The following ARHGAP26 variants were observed in gnomAD, a reference collection of about 807,000 sequenced individuals.
The protein encoded by ARHGAP26 is Rho GTPase activating protein 26.
ARHGAP26 carries 38 observed loss-of-function variants against 104.8 expected under a neutral mutation model. The ratio of observed to expected loss-of-function variants is 0.36; its 90% CI spans 0.28 to 0.48. The LOEUF is 0.48. ARHGAP26 is among the 20% of genes least tolerant of loss of function. ARHGAP26 has a pLI of 0.99. For missense variants in ARHGAP26, 704 were observed against 947.9 expected (o/e 0.74, Z 3.38); for synonymous variants, 341 against 340.0 (o/e 1.00, Z -0.03).
At chr5:143,157,667 AG>A (rs1800659787) in intron 20 of ARHGAP26, among the ~76,000 whole-genome samples, 1 of 152,136 alleles carries the variant, frequency 6.6e-6, no homozygotes, top group Non-Finnish European at 1.5e-5. Flanking sequence ...TCTACTTTTG[AG>A]GGGGGAAAAT....
At chr5:142,828,651 G>T (rs931538293) in intron 1 of ARHGAP26, among the ~76,000 whole-genome samples, 2 of 152,192 alleles carry the variant, frequency 1.3e-5, no homozygotes, top group African/African-American at 4.8e-5. Flanking sequence ...CCCCCATGAG[G>T]CATCAACCAT....
chr5:143,075,657 T>G (rs1409449962), intron 17 of ARHGAP26, among the ~76,000 whole-genome samples: 1 of 152,158 alleles, frequency 6.6e-6, no homozygotes, highest in Non-Finnish European at 1.5e-5. Flanking sequence ...AGGACAATAT[T>G]GATTAAATGT....
intron 1 of ARHGAP26, among the ~76,000 whole-genome samples, chr5:142,809,480 A>G (rs1048121451): frequency 1.3e-5 from 2 of 152,140 alleles, no homozygotes; most frequent in Non-Finnish European, 2.9e-5. Context: ...GTGTCTGAAT[A>G]TGTCCTGGAG....
At chr5:142,834,634 T>C (rs1769187686) in intron 1 of ARHGAP26, among the ~76,000 whole-genome samples, 1 of 152,230 alleles carries the variant, frequency 6.6e-6, no homozygotes. Flanking sequence ...ATGTAGTCTT[T>C]CATCCTGGGC....
intron 11 of ARHGAP26, among the ~76,000 whole-genome samples, chr5:142,975,171 A>G (rs141215550): frequency 6.6e-6 from 1 of 152,310 alleles, no homozygotes; most frequent in East Asian, 1.9e-4. Flanking sequence ...AAGGAGATGT[A>G]GCATCTGCTT....
At chr5:142,923,760 T>G in intron 10 of ARHGAP26, among the ~76,000 whole-genome samples, 1 of 152,190 alleles carries the variant, frequency 6.6e-6, no homozygotes, top group Non-Finnish European at 1.5e-5. Flanking sequence ...ACTATTATTA[T>G]TGCTATGATC....
At chr5:142,874,529 A>G (rs1275618622) in intron 2 of ARHGAP26, among the ~76,000 whole-genome samples, 1 of 152,162 alleles carries the variant, frequency 6.6e-6, no homozygotes. Flanking sequence ...CCTCAGGGCC[A>G]TTGCACGTAA....
chr5:142,828,375 C>G (rs746809959), intron 1 of ARHGAP26, among the ~76,000 whole-genome samples: 1 of 152,140 alleles, frequency 6.6e-6, no homozygotes, highest in Admixed American at 6.5e-5. Context: ...ATATGCACCA[C>G]AAAATGAGTC....
At chr5:142,858,315 A>C (rs1407609012) in intron 1 of ARHGAP26, among the ~76,000 whole-genome samples, 1 of 152,214 alleles carries the variant, frequency 6.6e-6, no homozygotes, top group Non-Finnish European at 1.5e-5. Flanking sequence ...AAGTGGTTTT[A>C]AAATAATATC....
chr5:143,179,506 A>T (rs1803992814), intron 20 of ARHGAP26, among the ~76,000 whole-genome samples: 1 of 152,192 alleles, frequency 6.6e-6, no homozygotes, highest in African/African-American at 2.4e-5. Context: ...TGCTCAGAAC[A>T]GACACTGTGA....
chr5:143,196,964 T>C (rs1806948636), intron 20 of ARHGAP26, among the ~76,000 whole-genome samples: 1 of 152,224 alleles, frequency 6.6e-6, no homozygotes, highest in African/African-American at 2.4e-5. Context: ...ATAATGAGGA[T>C]AGACTGTATA....
chr5:142,852,853 C>T (rs1751758169), intron 1 of ARHGAP26, among the ~76,000 whole-genome samples: 1 of 152,218 alleles, frequency 6.6e-6, no homozygotes, highest in Non-Finnish European at 1.5e-5. Flanking sequence ...TGTCGCTCTG[C>T]CTGCAGTCAG....
At chr5:143,078,997 G>T (rs1457833251) in intron 17 of ARHGAP26, among the ~76,000 whole-genome samples, 4 of 152,236 alleles carry the variant, frequency 2.6e-5, no homozygotes, top group Non-Finnish European at 4.4e-5. Context: ...TTTCCAGCTG[G>T]ATCAGTAAAG....
Position 143,087,636 on chromosome 5 carries a change from C to CTTTTTTTTTTTTTTTTTTTTTTT in ARHGAP26, c.1538+29893_1538+29915dup, listed in dbSNP as rs35201189. ...CTCATCTAATTAACCCTGGCCCATT[C>CTTTTTTTTTTTTTTTTTTTTTTT]TTTTTTTTTTTTTTTTTTTTTTTTT... is the stretch of plus-strand genomic sequence containing the variant. On this transcript the variant is annotated intron_variant, in intron 17 of 22. Coordinates refer to ENST00000645722, the MANE Select transcript of ARHGAP26 (RefSeq NM_001135608.3). 1.6e-4 allele frequency among the ~76,000 whole-genome samples: 8 copies of CTTTTTTTTTTTTTTTTTTTTTTT among 51,536 alleles called. 3 individuals are homozygous for CTTTTTTTTTTTTTTTTTTTTTTT. The highest frequency in any genetic ancestry group is 8.6e-4 in the East Asian group (1 of 1,166). The allele number at this position is 51,536 out of a possible 152,430, so 33.8% of individuals were successfully genotyped here. A position where few individuals can be genotyped will look rare whatever the true frequency, so the allele number is the denominator to read the frequency against.
chr5:143,057,900 G>C, intron 17 of ARHGAP26, 153 bp downstream of exon 17: 1 of 757,174 alleles, frequency 1.3e-6, no homozygotes, highest in Non-Finnish European at 2.4e-6. Flanking sequence ...AATGTTCATT[G>C]CAGTGGAGAA....
chr5:143,219,861 G>A (rs986012683), intron 22 of ARHGAP26, among the ~76,000 whole-genome samples: 2 of 152,198 alleles, frequency 1.3e-5, no homozygotes, highest in African/African-American at 2.4e-5. Flanking sequence ...GAAGCACATG[G>A]TCTGGCACAT....
At chr5:142,932,245 G>C (rs1167943595) in intron 11 of ARHGAP26, 120 bp downstream of exon 11, 6 of 873,888 alleles carry the variant, frequency 6.9e-6, no homozygotes, top group Non-Finnish European at 1.1e-5. Context: ...CAGTGTACCA[G>C]AGGTGGTTTT....
chr5:143,185,743 A>G (rs1805043160), intron 20 of ARHGAP26, among the ~76,000 whole-genome samples: 1 of 152,194 alleles, frequency 6.6e-6, no homozygotes, highest in African/African-American at 2.4e-5. Context: ...CCTGCAGTCC[A>G]CACAAACACC....
In ARHGAP26 at chr5:143,147,281, A is replaced by G. The variant is rs754569626; in HGVS notation, c.1888A>G (p.Asn630Asp). 3 of 1,614,118 alleles carry G rather than the reference A, an allele frequency of 1.9e-6. No individual in the cohort carries two copies. The highest frequency in any genetic ancestry group is 1.1e-5 in the South Asian group (1 of 91,078). ...CTCCAGTTTGGAATCTGTCTCATCA[A>G]ATCCAAACAGCATCCTTAATTCCAG... ...INSSLESVSS[N>D]PNSILNSSSS... The change falls in exon 20 of 23, where the codon AAT becomes GAT. Residue 630 changes from asparagine (N) to aspartate (D), a missense_variant. Coordinates refer to ENST00000645722, the MANE Select transcript of ARHGAP26 (RefSeq NM_001135608.3).
Sources: allele counts gnomAD v4.1 joint callset (sites outside exome capture counted in the v4.1 genomes callset), GRCh38; gene constraint gnomAD v4.1.1; transcripts MANE v1.5; gene names NCBI Gene and HGNC (gene_info 2026-07-23, HGNC 2026-07-21).